VSTM2L: variants seen among roughly 807,000 people sequenced by gnomAD.
VSTM2L encodes the protein V-set and transmembrane domain containing 2 like.
VSTM2L carries 9 observed loss-of-function variants against 19.9 expected under a neutral mutation model. That is an observed-to-expected ratio of 0.45 (90% CI 0.27 to 0.79). The LOEUF (loss-of-function observed/expected upper bound fraction) is 0.79. VSTM2L is among the 30% of genes least tolerant of loss of function. The probability of loss-of-function intolerance (pLI) is 0.15; values close to 1 mark genes in which losing one functional copy is unlikely to be tolerated. For missense variants in VSTM2L, 286 were observed against 295.5 expected (o/e 0.97, Z 0.24); for synonymous variants, 127 against 133.8 (o/e 0.95, Z 0.35).
chr20:37,939,380 G>T (rs6097016), intron 3 of VSTM2L, among the ~76,000 whole-genome samples: 90,694 of 151,568 alleles, frequency 0.6, 27,884 homozygotes, highest in African/African-American at 0.76. Flanking sequence ...ATCACGCCAG[G>T]GCACTCCAGC....
chr20:37,907,523 G>A (rs750551949), intron 1 of VSTM2L, among the ~76,000 whole-genome samples: 9 of 152,246 alleles, frequency 5.9e-5, no homozygotes, highest in Non-Finnish European at 1.2e-4. Flanking sequence ...AATGTCTGAC[G>A]CTATGGACTG....
intron 3 of VSTM2L, among the ~76,000 whole-genome samples, chr20:37,935,679 T>C (rs2072935490): frequency 6.6e-6 from 1 of 152,118 alleles, no homozygotes; most frequent in Non-Finnish European, 1.5e-5. Flanking sequence ...GTTGTCGTTA[T>C]CCGCTTGTGT....
intron 2 of VSTM2L, among the ~76,000 whole-genome samples, chr20:37,932,947 A>G (rs1183414872): frequency 1.3e-5 from 2 of 152,210 alleles, no homozygotes; most frequent in African/African-American, 2.4e-5. Context: ...GGGCATATCA[A>G]ACTTTGTCTT....
intron 1 of VSTM2L, among the ~76,000 whole-genome samples, chr20:37,918,982 G>A (rs1203817943): frequency 2.0e-5 from 3 of 152,238 alleles, no homozygotes; most frequent in African/African-American, 7.2e-5. Context: ...GTACATGGCA[G>A]TCCAGGTTCA....
At chr20:37,932,676 C>T (rs2072917675) in intron 2 of VSTM2L, among the ~76,000 whole-genome samples, 1 of 152,190 alleles carries the variant, frequency 6.6e-6, no homozygotes, top group Non-Finnish European at 1.5e-5. Flanking sequence ...TTTCGTTTCA[C>T]TCACCTTCTC....
chr20:37,941,025 G>A (rs1352591736), intron 3 of VSTM2L, among the ~76,000 whole-genome samples: 1 of 152,198 alleles, frequency 6.6e-6, no homozygotes, highest in East Asian at 1.9e-4. Context: ...TCATGCGCAT[G>A]TGACTTACAA....
chr20:37,918,369 C>T (rs1484807176), intron 1 of VSTM2L, among the ~76,000 whole-genome samples: 1 of 152,206 alleles, frequency 6.6e-6, no homozygotes, highest in East Asian at 1.9e-4. Context: ...AGAAGAAAGT[C>T]TCTGCTGGTG....
chr20:37,925,510 C>T (rs1214678043), intron 1 of VSTM2L, among the ~76,000 whole-genome samples: 2 of 152,212 alleles, frequency 1.3e-5, no homozygotes, highest in African/African-American at 4.8e-5. Context: ...CCACAGCGGG[C>T]TTCTCCCTCC....
At chr20:37,933,679 C>A in intron 3 of VSTM2L, 90 bp downstream of exon 3, 2 of 1,283,540 alleles carry the variant, frequency 1.6e-6, no homozygotes, top group South Asian at 1.3e-5. Flanking sequence ...CAGCAGGGAG[C>A]TTGGGCAAGA....
chr20:37,918,510 A>G (rs1917567704), intron 1 of VSTM2L, among the ~76,000 whole-genome samples: 1 of 152,236 alleles, frequency 6.6e-6, no homozygotes, highest in African/African-American at 2.4e-5. Context: ...TGGTTTTCAT[A>G]GCGTTTATTT....
intron 1 of VSTM2L, among the ~76,000 whole-genome samples, chr20:37,914,106 G>A (rs1338982730): frequency 2.0e-5 from 3 of 151,940 alleles, no homozygotes; most frequent in Non-Finnish European, 4.4e-5. Context: ...ATCAGAAAAA[G>A]AGGGAATTGT....
chr20:37,940,258 G>A (rs1273613746), intron 3 of VSTM2L, among the ~76,000 whole-genome samples: 1 of 152,254 alleles, frequency 6.6e-6, no homozygotes, highest in African/African-American at 2.4e-5. Context: ...TGGAGTCAGA[G>A]GGACAGGGTG....
chr20:37,909,685 G>A (rs1319586713), intron 1 of VSTM2L, among the ~76,000 whole-genome samples: 1 of 152,230 alleles, frequency 6.6e-6, no homozygotes, highest in African/African-American at 2.4e-5. Flanking sequence ...ATGGCACCTT[G>A]CAGTGGGTGG....
At position 37,945,037 on chromosome 20, in the gene VSTM2L, C is replaced by CAATGCCCCAGCTCCCT. The variant is rs1600579025; in HGVS notation, c.*785_*800dup. ...CAGGAGTCCCCCTCTGCCGGCCCCCCAATGCCCCAGCTCCCTCTTGGGTCC... is the reference window on the plus strand; with the variant it reads ...CAGGAGTCCCCCTCTGCCGGCCCCCCAATGCCCCAGCTCCCTAATGCCCCAGCTCCCTCTTGGGTCC... On this transcript the variant is annotated 3_prime_UTR_variant, in exon 4 of 4. Transcript: ENST00000373461. 1.0e-6 allele frequency: 1 copy of CAATGCCCCAGCTCCCT among 985,756 alleles called. No homozygotes were observed. The highest frequency in any genetic ancestry group is 1.1e-4 in the East Asian group (1 of 8,790). 61.1% of individuals were successfully genotyped at this position (985,756 alleles called of 1,614,324 possible). A position where few individuals can be genotyped will look rare whatever the true frequency, so the allele number is the denominator to read the frequency against.
intron 1 of VSTM2L, among the ~76,000 whole-genome samples, chr20:37,915,670 A>C (rs2072814347): frequency 6.6e-6 from 1 of 151,792 alleles, no homozygotes; most frequent in Non-Finnish European, 1.5e-5. Flanking sequence ...CTGACTCCGG[A>C]GCCCACATAT....
chr20:37,910,963 C>T (rs537861771), intron 1 of VSTM2L, among the ~76,000 whole-genome samples: 18 of 149,918 alleles, frequency 1.2e-4, no homozygotes, highest in South Asian at 4.3e-4. Flanking sequence ...AGAATATATA[C>T]GTATTGTGAT....
At position 37,944,284 on chromosome 20, in the gene VSTM2L, C is replaced by G; in HGVS notation, c.*31C>G. The G allele has an allele frequency of 6.9e-7, 1 of 1,457,394 alleles. No individual in the cohort carries two copies. The allele number at this position is 1,457,394 out of a possible 1,614,324, so 90.3% of individuals were successfully genotyped here. On this transcript the variant is annotated 3_prime_UTR_variant, in exon 4 of 4. Coordinates refer to ENST00000373461, the MANE Select transcript of VSTM2L (RefSeq NM_080607.3). ...TGCCCCTGCCCCCGCCCATCCGCCC[C>G]CACGCTGTACAGAGTGCATGAGGAG...
chr20:37,920,706 A>G (rs1190308009), intron 1 of VSTM2L, among the ~76,000 whole-genome samples: 1 of 152,128 alleles, frequency 6.6e-6, no homozygotes, highest in African/African-American at 2.4e-5. Flanking sequence ...TAGTGTCCAC[A>G]TGTCTGTCCC....
At chr20:37,906,392 T>C (rs1327883289) in intron 1 of VSTM2L, among the ~76,000 whole-genome samples, 1 of 152,162 alleles carries the variant, frequency 6.6e-6, no homozygotes, top group Non-Finnish European at 1.5e-5. Context: ...TAGTAGGTGC[T>C]CAATAAACAG....
Sources: allele counts gnomAD v4.1 joint callset (sites outside exome capture counted in the v4.1 genomes callset), GRCh38; gene constraint gnomAD v4.1.1; transcripts MANE v1.5; gene names NCBI Gene and HGNC (gene_info 2026-07-23, HGNC 2026-07-21).